The following POU6F2 variants were observed in gnomAD, a reference collection of about 807,000 sequenced individuals.
POU6F2 encodes the protein POU class 6 homeobox 2.
POU6F2 carries 31 observed loss-of-function variants against 71.3 expected under a neutral mutation model. The observed-to-expected ratio is 0.43, with a 90% CI of 0.33 to 0.59. POU6F2 has a LOEUF of 0.59. Ranked by LOEUF, POU6F2 falls within the 20% of genes least tolerant of loss-of-function variation. The pLI is 0.04. For synonymous variants in POU6F2, 347 were observed against 355.7 expected (o/e 0.98, Z 0.27); for missense variants, 783 against 856.8 (o/e 0.91, Z 1.07).
intron 2 of POU6F2, among the ~76,000 whole-genome samples, chr7:39,110,128 G>A (rs1791775443): frequency 6.6e-6 from 1 of 151,964 alleles, no homozygotes. Context: ...AAAATTAGCT[G>A]GGTTTGGTGG....
At chr7:39,413,185 A>T (rs775647338) in intron 6 of POU6F2, among the ~76,000 whole-genome samples, 13 of 152,034 alleles carry the variant, frequency 8.6e-5, no homozygotes, top group Non-Finnish European at 1.3e-4. Context: ...AATTAATTTT[A>T]AAAAATTTTA....
At chr7:39,238,367 A>G (rs1002934279) in intron 4 of POU6F2, among the ~76,000 whole-genome samples, 1 of 152,150 alleles carries the variant, frequency 6.6e-6, no homozygotes, top group Admixed American at 6.6e-5. Context: ...AAGCAAAGTC[A>G]TCAACTAGAA....
intron 2 of POU6F2, among the ~76,000 whole-genome samples, chr7:39,149,442 G>C (rs764607282): frequency 6.6e-6 from 1 of 152,020 alleles, no homozygotes; most frequent in Non-Finnish European, 1.5e-5. Context: ...GATGTTATGC[G>C]ATACATAAAG....
chr7:39,422,724 G>C (rs1320812346), intron 6 of POU6F2, among the ~76,000 whole-genome samples: 2 of 152,184 alleles, frequency 1.3e-5, no homozygotes, highest in Non-Finnish European at 2.9e-5. Context: ...TGGGAAATCA[G>C]TGGCTTCAAT....
intron 1 of POU6F2, among the ~76,000 whole-genome samples, chr7:39,014,285 A>AG (rs1362521509): frequency 6.6e-6 from 1 of 152,134 alleles, no homozygotes; most frequent in African/African-American, 2.4e-5. Flanking sequence ...TTCCCACAGG[A>AG]GATTGTTTCA....
At chr7:39,312,280 G>A (rs541272507) in intron 4 of POU6F2, among the ~76,000 whole-genome samples, 1 of 152,152 alleles carries the variant, frequency 6.6e-6, no homozygotes, top group Non-Finnish European at 1.5e-5. Flanking sequence ...TTGCTATAAG[G>A]CATGTTTTGG....
intron 4 of POU6F2, among the ~76,000 whole-genome samples, chr7:39,249,553 G>T (rs544133121): frequency 2.6e-5 from 4 of 152,156 alleles, no homozygotes; most frequent in Non-Finnish European, 5.9e-5. Context: ...TATCAGTTAG[G>T]ACATTTTGCT....
At chr7:39,373,259 G>C (rs1294250421) in intron 5 of POU6F2, among the ~76,000 whole-genome samples, 1 of 152,214 alleles carries the variant, frequency 6.6e-6, no homozygotes, top group Non-Finnish European at 1.5e-5. Flanking sequence ...TGAAGGAAGA[G>C]AGGGGTACAA....
chr7:39,228,875 T>A (rs1009746411), intron 4 of POU6F2, among the ~76,000 whole-genome samples: 2 of 152,044 alleles, frequency 1.3e-5, no homozygotes, highest in African/African-American at 4.8e-5. Flanking sequence ...CATGGATGAG[T>A]TTGCAATTGC....
chr7:39,302,968 C>A (rs1396059131), intron 4 of POU6F2, among the ~76,000 whole-genome samples: 1 of 152,192 alleles, frequency 6.6e-6, no homozygotes, highest in South Asian at 2.1e-4. Context: ...CAGAGTATAT[C>A]AGTTGCTCCA....
chr7:39,305,661 T>G (rs1265337637), intron 4 of POU6F2, among the ~76,000 whole-genome samples: 1 of 152,220 alleles, frequency 6.6e-6, no homozygotes, highest in Non-Finnish European at 1.5e-5. Context: ...CTGTAGAGGC[T>G]TTTCCCCTGC....
intron 6 of POU6F2, among the ~76,000 whole-genome samples, chr7:39,422,253 C>A (rs1019408925): frequency 6.6e-6 from 1 of 152,186 alleles, no homozygotes; most frequent in South Asian, 2.1e-4. Context: ...AAACGTAAAA[C>A]CACTAAGAAG....
At chr7:39,028,844 C>T (rs1266094816) in intron 1 of POU6F2, among the ~76,000 whole-genome samples, 1 of 152,026 alleles carries the variant, frequency 6.6e-6, no homozygotes, top group Non-Finnish European at 1.5e-5. Flanking sequence ...CTTACTCTGC[C>T]ACCCAGGCTG....
intron 4 of POU6F2, among the ~76,000 whole-genome samples, chr7:39,237,841 G>C (rs1794701608): frequency 6.6e-6 from 1 of 152,076 alleles, no homozygotes; most frequent in South Asian, 2.1e-4. Flanking sequence ...TGAAATGCGG[G>C]ATTGGGATGC....
intron 4 of POU6F2, among the ~76,000 whole-genome samples, chr7:39,219,457 C>T (rs1475310641): frequency 6.6e-6 from 1 of 152,032 alleles, no homozygotes; most frequent in Non-Finnish European, 1.5e-5. Context: ...TTGGGTCATG[C>T]CTGCTGTCCT....
intron 2 of POU6F2, among the ~76,000 whole-genome samples, chr7:39,096,952 CAAAT>C (rs560469392): frequency 1.1e-3 from 170 of 152,142 alleles, no homozygotes; most frequent in African/African-American, 4.1e-3. Flanking sequence ...TCAGGTGAAA[CAAAT>C]ATATATGTGG....
At chr7:39,256,795 A>G (rs1453032844) in intron 4 of POU6F2, among the ~76,000 whole-genome samples, 1 of 152,190 alleles carries the variant, frequency 6.6e-6, no homozygotes, top group Non-Finnish European at 1.5e-5. Flanking sequence ...AGCCCCTTCC[A>G]AAGAACATGG....
intron 2 of POU6F2, among the ~76,000 whole-genome samples, chr7:39,127,532 A>C (rs1349927642): frequency 6.6e-6 from 1 of 152,206 alleles, no homozygotes; most frequent in East Asian, 1.9e-4. Context: ...AGGAAGAAAG[A>C]GATAACTAAT....
intron 5 of POU6F2, among the ~76,000 whole-genome samples, chr7:39,376,201 T>C (rs574254130): frequency 1.3e-5 from 2 of 152,324 alleles, no homozygotes; most frequent in South Asian, 4.1e-4. Context: ...TGGTGATTAA[T>C]TTGCCTTATA....
Sources: allele counts gnomAD v4.1 joint callset (sites outside exome capture counted in the v4.1 genomes callset), GRCh38; gene constraint gnomAD v4.1.1; transcripts MANE v1.5; gene names NCBI Gene and HGNC (gene_info 2026-07-23, HGNC 2026-07-21).